TULP4: variants seen among roughly 807,000 people sequenced by gnomAD.
The protein encoded by TULP4 is TUB like protein 4.
TULP4 carries 16 observed loss-of-function variants against 129.0 expected under a neutral mutation model. That is an observed-to-expected ratio of 0.12 (90% confidence interval 0.08 to 0.19). TULP4 has a LOEUF of 0.19. Among genes scored for constraint, TULP4 ranks in the 10% least tolerant of loss-of-function variants. The pLI is 1.00. For missense variants in TULP4, 1,842 were observed against 2,059.1 expected, an observed-to-expected ratio of 0.89 and a Z score of 2.04; for synonymous variants, 998 against 854.0, an observed-to-expected ratio of 1.17 and a Z score of -2.94.
At chr6:158,240,565 A>G (rs1247744665) in intron 1 of TULP4, among the ~76,000 whole-genome samples, 1 of 80,904 alleles carries the variant, frequency 1.2e-5, no homozygotes, top group Non-Finnish European at 2.7e-5. Context: ...CTGGCCGGGC[A>G]GAGGGGCTCC....
intron 1 of TULP4, chr6:158,241,842 C>G (rs934386852): frequency 1.6e-6 from 1 of 621,030 alleles, no homozygotes; most frequent in Non-Finnish European, 3.1e-6. Context: ...ATCTGCCTGC[C>G]TCCGCCTCCC....
chr6:158,486,530 G>A (rs577433893), intron 8 of TULP4, among the ~76,000 whole-genome samples: 2 of 152,090 alleles, frequency 1.3e-5, no homozygotes, highest in African/African-American at 2.4e-5. Flanking sequence ...TCCAGCCTGG[G>A]TGACAGAGCA....
intron 1 of TULP4, among the ~76,000 whole-genome samples, chr6:158,329,848 A>G (rs182134498): frequency 5.9e-5 from 9 of 152,310 alleles, no homozygotes; most frequent in Admixed American, 5.9e-4. Flanking sequence ...GATTGAAAAC[A>G]CCTTAGGGGA....
chr6:158,350,055 G>A (rs1298590734), intron 1 of TULP4, among the ~76,000 whole-genome samples: 6 of 149,928 alleles, frequency 4.0e-5, no homozygotes, highest in African/African-American at 1.2e-4. Flanking sequence ...CCTCCCAGAC[G>A]GGGCAGCCGG....
intron 1 of TULP4, among the ~76,000 whole-genome samples, chr6:158,318,398 G>T (rs1305589056): frequency 6.6e-6 from 1 of 152,184 alleles, no homozygotes; most frequent in Admixed American, 6.5e-5. Context: ...GGGACTGTCG[G>T]TGTTAATACC....
At chr6:158,279,733 C>G (rs1479907148), upstream of TULP4, among the ~76,000 whole-genome samples, 3 of 152,188 alleles carry the variant, frequency 2.0e-5, no homozygotes, top group South Asian at 2.1e-4. Flanking sequence ...TCCTCCTCCC[C>G]GCTAGAATGG....
intron 1 of TULP4, among the ~76,000 whole-genome samples, chr6:158,371,848 T>C (rs1363539221): frequency 6.6e-6 from 1 of 152,218 alleles, no homozygotes; most frequent in East Asian, 1.9e-4. Context: ...AAGGTCTCTT[T>C]CTGTCAGCCA....
chr6:158,477,003 A>G (rs1023575868), intron 6 of TULP4, among the ~76,000 whole-genome samples: 3 of 152,180 alleles, frequency 2.0e-5, no homozygotes, highest in Admixed American at 2.0e-4. Flanking sequence ...GATGAGAATA[A>G]TGTTATTCAT....
At chr6:158,388,607 G>A (rs1777511257) in intron 1 of TULP4, among the ~76,000 whole-genome samples, 1 of 150,198 alleles carries the variant, frequency 6.7e-6, no homozygotes, top group Non-Finnish European at 1.5e-5. Context: ...GGGATTACAG[G>A]CGTGAGCCAC....
chr6:158,421,989 G>T (rs1177690031), intron 2 of TULP4, among the ~76,000 whole-genome samples: 1 of 151,930 alleles, frequency 6.6e-6, no homozygotes, highest in African/African-American at 2.4e-5. Context: ...GTGGTGCTGT[G>T]AGAGAAATGT....
chr6:158,480,076 G>A, intron 7 of TULP4, 101 bp downstream of exon 7: 1 of 902,688 alleles, frequency 1.1e-6, no homozygotes, highest in South Asian at 1.6e-5. Flanking sequence ...GAGCACATGG[G>A]GCCATGTGCA....
chr6:158,258,369 G>C (rs560611263), intron 1 of TULP4, among the ~76,000 whole-genome samples: 2 of 152,352 alleles, frequency 1.3e-5, no homozygotes, highest in East Asian at 3.9e-4. Flanking sequence ...TGGTCCAGGT[G>C]GCACAACATG....
At chr6:158,451,223 G>A (rs1397495780) in intron 4 of TULP4, among the ~76,000 whole-genome samples, 5 of 152,218 alleles carry the variant, frequency 3.3e-5, no homozygotes, top group African/African-American at 1.2e-4. Context: ...AGGGGGGGCA[G>A]TTTAGAGGAT....
At chr6:158,451,040 G>A (rs1779153103) in intron 4 of TULP4, among the ~76,000 whole-genome samples, 2 of 151,998 alleles carry the variant, frequency 1.3e-5, no homozygotes, top group South Asian at 4.1e-4. Context: ...ATTCCAGCCT[G>A]GGCAACAGAG....
At chr6:158,260,562 C>T (rs1379060320) in intron 1 of TULP4, among the ~76,000 whole-genome samples, 1 of 140,036 alleles carries the variant, frequency 7.1e-6, no homozygotes, top group Non-Finnish European at 1.5e-5. Flanking sequence ...GGCAACAGAG[C>T]GAGACTCTGT....
At chr6:158,345,897 A>G (rs1780294727) in intron 1 of TULP4, among the ~76,000 whole-genome samples, 1 of 152,178 alleles carries the variant, frequency 6.6e-6, no homozygotes. Context: ...CGTAAGACAG[A>G]CACTCCCAAA....
chr6:158,243,097 A>G (rs1777956325), intron 1 of TULP4, among the ~76,000 whole-genome samples: 1 of 152,130 alleles, frequency 6.6e-6, no homozygotes, highest in Non-Finnish European at 1.5e-5. Context: ...TATCATGGAA[A>G]TTTTAAAACA....
chr6:158,440,811 G>A (rs1778879347), intron 3 of TULP4, among the ~76,000 whole-genome samples: 1 of 152,164 alleles, frequency 6.6e-6, no homozygotes, highest in Admixed American at 6.5e-5. Flanking sequence ...GCACTTTGTG[G>A]AATAAAATAT....
chr6:158,499,318 C>G (rs1780396850), intron 12 of TULP4, among the ~76,000 whole-genome samples: 1 of 152,208 alleles, frequency 6.6e-6, no homozygotes, highest in Non-Finnish European at 1.5e-5. Context: ...CTGGAACTAC[C>G]TCTCTTCCAC....
Sources: gnomAD v4.1 joint callset for allele counts (sites outside exome capture counted in the v4.1 genomes callset) on GRCh38, gnomAD v4.1.1 for gene constraint, MANE v1.5 for transcripts, NCBI Gene and HGNC (gene_info 2026-07-23, HGNC 2026-07-21) for gene names.